The following AIG1 variants were observed in gnomAD, a reference collection of about 807,000 sequenced individuals.
The protein encoded by AIG1 is androgen-induced gene 1 protein.
AIG1 carries 23 observed loss-of-function variants against 31.4 expected under a neutral mutation model. The observed-to-expected ratio is 0.73, with a 90% CI of 0.53 to 1.04. AIG1 has a LOEUF of 1.04. Among genes scored for constraint, AIG1 ranks in the 50% least tolerant of loss-of-function variants. The pLI is 0.00. For missense variants in AIG1, 274 were observed against 295.0 expected, an observed-to-expected ratio of 0.93 and a Z score of 0.52; for synonymous variants, 100 against 110.5, an observed-to-expected ratio of 0.90 and a Z score of 0.60.
intron 3 of AIG1, among the ~76,000 whole-genome samples, chr6:143,215,429 A>T (rs1791955104): frequency 6.6e-6 from 1 of 152,180 alleles, no homozygotes; most frequent in Admixed American, 6.5e-5. Flanking sequence ...AATAAAACAC[A>T]CAAACAAAAA....
chr6:143,307,482 T>G (rs560207778), intron 4 of AIG1, among the ~76,000 whole-genome samples: 1 of 152,360 alleles, frequency 6.6e-6, no homozygotes, highest in Admixed American at 6.5e-5. Flanking sequence ...CCTGTTTGCC[T>G]GGGTAACAGC....
chr6:143,296,898 T>A (rs568761834), intron 4 of AIG1, among the ~76,000 whole-genome samples: 188 of 152,342 alleles, frequency 1.2e-3, no homozygotes, highest in African/African-American at 4.4e-3. Context: ...TGGGTACATC[T>A]TGACTGGTGA....
rs1486522333 is a variant in AIG1, at chr6:143,330,457, T to G, written c.516-2825T>G. On this transcript the variant is annotated intron_variant, in intron 4 of 5. Coordinates refer to ENST00000357847, the MANE Select transcript of AIG1 (RefSeq NM_016108.4). This position sits in a 1 kb window ranked among gnomAD's most constrained non-coding sequence, Gnocchi z 4.4. The stretch of plus-strand genomic sequence containing the variant: ...TGGGCAGGGGAATAATACAAAAGCC[T>G]GGAGGCAGAGAGAGCTTAGAGTGTT... 6.6e-6 allele frequency among the ~76,000 whole-genome samples: 1 copy of G among 152,042 alleles called. No individual in the cohort carries two copies. The highest frequency in any genetic ancestry group is 2.4e-5 in the African/African-American group (1 of 41,388).
At position 143,124,728 on chromosome 6, in the gene AIG1, G is replaced by T. The variant is rs1782545929; in HGVS notation, c.142-12107G>T. 2.6e-5 allele frequency among the ~76,000 whole-genome samples: 4 copies of T among 152,332 alleles called. No homozygotes were observed. The South Asian group carries it at 8.3e-4, about 32-fold the overall frequency. ...TACAATCATGGTGGAAGGCAAAGGA[G>T]AAGCAGGTACCTTCTTTACAGGGTG... On this transcript the variant is annotated intron_variant, in intron 1 of 5. Transcript: ENST00000357847.
At chr6:143,172,426 A>G (rs1787726815) in intron 3 of AIG1, among the ~76,000 whole-genome samples, 1 of 152,196 alleles carries the variant, frequency 6.6e-6, no homozygotes, top group South Asian at 2.1e-4. Flanking sequence ...CCACTTGATC[A>G]TGGTGGATTA....
chr6:143,330,640 T>C lies in AIG1; in HGVS notation c.516-2642T>C, dbSNP rs1777002962. ...GAGAGGAAGCAAGTTTTGAGCAGAA[T>C]AGTGGCATGGCCTGACTCACATTTA... On this transcript the variant is annotated intron_variant, in intron 4 of 5. Coordinates refer to ENST00000357847, the MANE Select transcript of AIG1 (RefSeq NM_016108.4). The surrounding 1 kb of genome is among the most constrained non-coding windows in gnomAD (Gnocchi z 4.4). 3.9e-5 allele frequency among the ~76,000 whole-genome samples: 6 copies of C among 152,250 alleles called. No individual in the cohort carries two copies. The South Asian group carries it at 1.2e-3, about 32-fold the overall frequency.
intron 4 of AIG1, among the ~76,000 whole-genome samples, chr6:143,304,377 CTTA>C (rs1359732675): frequency 6.6e-6 from 1 of 151,228 alleles, no homozygotes; most frequent in African/African-American, 2.4e-5. Context: ...ATAGATAGCT[CTTA>C]TTATTTTGAG....
intron 3 of AIG1, among the ~76,000 whole-genome samples, chr6:143,217,099 T>A (rs1217468513): frequency 6.6e-6 from 1 of 152,210 alleles, no homozygotes; most frequent in Non-Finnish European, 1.5e-5. Flanking sequence ...TTTTCATAAT[T>A]TATTTCTAAC....
chr6:143,236,994 G>A (rs1793854807), intron 3 of AIG1, among the ~76,000 whole-genome samples: 1 of 151,288 alleles, frequency 6.6e-6, no homozygotes, highest in South Asian at 2.1e-4. Flanking sequence ...TGGTTTTTTT[G>A]CATGTAAGGA....
chr6:143,190,722 C>A, intron 3 of AIG1: 2 of 528,882 alleles, frequency 3.8e-6, no homozygotes, highest in Non-Finnish European at 2.4e-6. Context: ...GCTTTCCTAT[C>A]TTATCATTGC....
intron 1 of AIG1, among the ~76,000 whole-genome samples, chr6:143,124,857 C>A (rs1490586776): frequency 6.6e-6 from 1 of 152,056 alleles, no homozygotes; most frequent in Non-Finnish European, 1.5e-5. Flanking sequence ...TAGAAACCAC[C>A]CCCATGATCC....
intron 3 of AIG1, among the ~76,000 whole-genome samples, chr6:143,177,481 T>C (rs1308982067): frequency 6.6e-6 from 1 of 152,260 alleles, no homozygotes; most frequent in Non-Finnish European, 1.5e-5. Context: ...TGTATACGTA[T>C]CATAAATATA....
At chr6:143,222,355 C>T (rs922934287) in intron 3 of AIG1, among the ~76,000 whole-genome samples, 5 of 151,792 alleles carry the variant, frequency 3.3e-5, no homozygotes, top group African/African-American at 1.2e-4. Flanking sequence ...TTATCGGGAA[C>T]GGCAGTGTGA....
intron 1 of AIG1, among the ~76,000 whole-genome samples, chr6:143,086,759 A>G (rs369730654): frequency 6.6e-6 from 1 of 152,148 alleles, no homozygotes; most frequent in Non-Finnish European, 1.5e-5. Flanking sequence ...AAAGGTAAGG[A>G]GAATTTTGGG....
chr6:143,188,584 A>G, intron 3 of AIG1: 1 of 985,368 alleles, frequency 1.0e-6, no homozygotes, highest in Non-Finnish European at 1.2e-6. Context: ...ATTTCAGGGT[A>G]CAAGTCATCT....
intron 1 of AIG1, among the ~76,000 whole-genome samples, chr6:143,118,187 C>T (rs1045391023): frequency 1.3e-5 from 2 of 152,074 alleles, no homozygotes; most frequent in East Asian, 1.9e-4. Context: ...CCGGTGAGCA[C>T]ATCATGCCCG....
At chr6:143,230,652 T>C (rs1793376741) in intron 3 of AIG1, among the ~76,000 whole-genome samples, 1 of 151,520 alleles carries the variant, frequency 6.6e-6, no homozygotes, top group South Asian at 2.1e-4. Context: ...TTTTGCATTT[T>C]AATAATAATA....
intron 4 of AIG1, among the ~76,000 whole-genome samples, chr6:143,324,973 G>A (rs1047752340): frequency 1.3e-5 from 2 of 152,154 alleles, no homozygotes; most frequent in African/African-American, 4.8e-5. Flanking sequence ...TACTGAGCTT[G>A]ACAATGTCAT....
At chr6:143,269,611 T>G (rs1273308866) in intron 3 of AIG1, among the ~76,000 whole-genome samples, 1 of 152,204 alleles carries the variant, frequency 6.6e-6, no homozygotes, top group Non-Finnish European at 1.5e-5. Context: ...CATCATATTA[T>G]AGTCACACAA....
Sources: allele counts gnomAD v4.1 joint callset (sites outside exome capture counted in the v4.1 genomes callset), GRCh38; gene constraint gnomAD v4.1.1; non-coding constraint Gnocchi (gnomAD v3.1); transcripts MANE v1.5; gene names NCBI Gene and HGNC (gene_info 2026-07-23, HGNC 2026-07-21).